Variants in C2 observed in about 807,000 individuals in gnomAD.
The protein encoded by C2 is C3/C5 convertase.
A neutral mutation model predicts 85.2 loss-of-function variants in C2; 64 were observed. The ratio of observed to expected loss-of-function variants is 0.75; its 90% CI spans 0.61 to 0.92. The LOEUF is 0.92. Among genes scored for constraint, C2 ranks in the 40% least tolerant of loss-of-function variants. The pLI is 0.00. For missense variants in C2, 820 were observed against 971.6 expected (o/e 0.84, Z 2.07); for synonymous variants, 311 against 370.8 (o/e 0.84, Z 1.85).
chr6:31,934,333 C>T, intron 6 of C2, 34 bp downstream of exon 6: 1 of 1,613,342 alleles, frequency 6.2e-7, no homozygotes, highest in Non-Finnish European at 8.5e-7. Flanking sequence ...CAGCAGAGGC[C>T]TTCCTGTGCT....
In C2 at chr6:31,935,749, G is replaced by A. The variant is rs573884703; in HGVS notation, c.850-174G>A. Among the ~76,000 whole-genome samples, 19 of 152,124 alleles carry A rather than the reference G, an allele frequency of 1.2e-4. No individual in the cohort carries two copies. In the East Asian group the frequency reaches 2.9e-3, roughly 23 times the overall value. ...TGTTGGGATTCAGGCATGAGCCACC[G>A]CGCCCAGCCCCTAGCTTCTTCCTAA... On this transcript the variant is annotated intron_variant, in intron 6 of 17. Coordinates refer to ENST00000299367, the MANE Select transcript of C2 (RefSeq NM_000063.6). The surrounding 1 kb of genome is among the most constrained non-coding windows in gnomAD (Gnocchi z 4.3).
In C2 at chr6:31,904,885, A is replaced by G. The variant is rs181053016; in HGVS notation, c.73+3746A>G. Among the ~76,000 whole-genome samples, 58 of 152,144 alleles carry G rather than the reference A, an allele frequency of 3.8e-4. 1 individual carries two copies. Among genetic ancestry groups the G allele is most frequent in the Non-Finnish European group, 7.8e-4 (53 of 68,018 alleles). On this transcript the variant is annotated intron_variant, in intron 1 of 3. Transcript: ENST00000452202. This position sits in a 1 kb window ranked among gnomAD's most constrained non-coding sequence, Gnocchi z 4.4. Reference sequence around the variant, plus strand: ...GAGTTGACAGCCAATGAATCCTTCAAGTGTCCAGCCCACCCAGTTACAACT... The same window carrying G: ...GAGTTGACAGCCAATGAATCCTTCAGGTGTCCAGCCCACCCAGTTACAACT...
chr6:31,899,991 C>T, upstream of C2: 1 of 1,608,118 alleles, frequency 6.2e-7, no homozygotes, highest in Non-Finnish European at 8.5e-7. Flanking sequence ...GTGGTCTTGC[C>T]GTGTTGCTCC....
chr6:31,934,231 T>C lies in C2; in HGVS notation c.781T>C (p.Cys261Arg), dbSNP rs1770208784. 5 of 1,614,202 alleles carry C rather than the reference T, an allele frequency of 3.1e-6. No individual in the cohort carries two copies. In the East Asian group the frequency reaches 1.1e-4, roughly 36 times the overall value. Residue 261 changes from cysteine (C) to arginine (R), a missense_variant, in exon 6 of 18, where the codon TGT (cysteine) becomes CGT (arginine). By Grantham distance (180) the Cys-to-Arg change is radical (BLOSUM62 -3). Coordinates refer to ENST00000299367, the MANE Select transcript of C2 (RefSeq NM_000063.6). ...GHLNLYLLLD[C>R]SQSVSENDFL... ...TCTGAACCTCTACCTGCTCCTGGACTGTTCGCAGAGTGTGTCGGAAAATGA... is the reference window on the plus strand; with the variant it reads ...TCTGAACCTCTACCTGCTCCTGGACCGTTCGCAGAGTGTGTCGGAAAATGA...
chr6:31,945,299 G>T lies in C2; in HGVS notation c.2201G>T (p.Arg734Leu), dbSNP rs146067615. ...CGAGACTTTCACATCAATCTCTTCCGCATGCAGCCCTGGCTGAGGCAGCAC... is the reference window on the plus strand; with the variant it reads ...CGAGACTTTCACATCAATCTCTTCCTCATGCAGCCCTGGCTGAGGCAGCAC... ...PPRDFHINLFRMQPWLRQHLG... is the reference protein window; with the variant it reads ...PPRDFHINLFLMQPWLRQHLG... Residue 734 changes from arginine (R) to leucine (L), a missense_variant, in exon 18 of 18, where the codon CGC becomes CTC. Arg to Leu is a moderately radical substitution (Grantham distance 102, BLOSUM62 -2). Transcript: ENST00000299367. This position sits in a 1 kb window ranked among gnomAD's most constrained non-coding sequence, Gnocchi z 5.3. 6.0e-5 allele frequency: 96 copies of T among 1,612,956 alleles called. 1 individual carries two copies. The African/African-American group carries it at 9.2e-4, about 15-fold the overall frequency.
rs1264145292 is a variant in C2 at position 31,936,081 on chromosome 6, A to T, written c.988+20A>T. On this transcript the variant is annotated intron_variant, in intron 7 of 17. Transcript: ENST00000299367. ...ATAAAGGTACGGGTGTCATCACGTGATGGTGATGAGAGAGGAGAAGATGGA... is the reference window on the plus strand; with the variant it reads ...ATAAAGGTACGGGTGTCATCACGTGTTGGTGATGAGAGAGGAGAAGATGGA... The T allele has an allele frequency of 6.2e-7, 1 of 1,612,044 alleles. No homozygotes were observed. The highest frequency in any genetic ancestry group is 1.7e-4 in the Middle Eastern group (1 of 6,060).
At chr6:31,916,703 C>T (rs1446367437), upstream of C2, among the ~76,000 whole-genome samples, 3 of 151,822 alleles carry the variant, frequency 2.0e-5, no homozygotes, top group Non-Finnish European at 4.4e-5. Flanking sequence ...CTACTGCTTC[C>T]CACTCTGCAA....
chr6:31,927,390 T>C (rs1769336162), upstream of C2: 2 of 727,316 alleles, frequency 2.7e-6, no homozygotes, highest in South Asian at 2.2e-5. The surrounding 1 kb of genome is among the most constrained non-coding windows in gnomAD (Gnocchi z 4.7). Flanking sequence ...GCAAGGTGCA[T>C]GTGTGCACAC....
chr6:31,943,896 G>A lies in C2; in HGVS notation c.1734-21G>A. 1 of 1,612,636 alleles carries A rather than the reference G, an allele frequency of 6.2e-7. No homozygotes were observed. Among genetic ancestry groups the A allele is most frequent in the Non-Finnish European group, 8.5e-7 (1 of 1,179,858 alleles). ...AGAGATACTGGGGACAGGCTGGTGT[G>A]ACCCTTGCTCTTCTCCCCAGGCCCA... On this transcript the variant is annotated intron_variant, in intron 13 of 17. Coordinates refer to ENST00000299367, the MANE Select transcript of C2 (RefSeq NM_000063.6). This position sits in a 1 kb window ranked among gnomAD's most constrained non-coding sequence, Gnocchi z 6.4.
Position 31,937,469 on chromosome 6 carries a change from A to G in C2, c.1129+10A>G, listed in dbSNP as rs764101239. 1.2e-6 allele frequency: 2 copies of G among 1,612,826 alleles called. No individual in the cohort carries two copies. Among genetic ancestry groups the G allele is most frequent in the Admixed American group, 1.7e-5 (1 of 59,998 alleles). The stretch of plus-strand genomic sequence containing the variant: ...ATCCTTCTGACAGATGGTGGGTATC[A>G]TGGTCTCTGAGTGTGTCTGGAATAG... On this transcript the variant is annotated intron_variant, in intron 8 of 17. Coordinates refer to ENST00000299367, the MANE Select transcript of C2 (RefSeq NM_000063.6).
At position 31,933,864 on chromosome 6, in the gene C2, C is replaced by G; in HGVS notation, c.617-3C>G. The stretch of plus-strand genomic sequence containing the variant: ...GCTGACTCCTGTGTGGCTCTCCCCA[C>G]AGAACCCTACTCTTATGACTTCCCT... On this transcript the variant is annotated splice_region_variant and splice_polypyrimidine_tract_variant and intron_variant, in intron 4 of 17. Coordinates refer to ENST00000299367, the MANE Select transcript of C2 (RefSeq NM_000063.6). 1 of 1,614,014 alleles carries G rather than the reference C, an allele frequency of 6.2e-7. No individual in the cohort carries two copies. The highest frequency in any genetic ancestry group is 8.5e-7 in the Non-Finnish European group (1 of 1,179,964).
At chr6:31,938,481 C>CATAT (rs28993458) in intron 8 of C2, among the ~76,000 whole-genome samples, 13,657 of 142,834 alleles carry the variant, frequency 0.096, 836 homozygotes, top group African/African-American at 0.18. Flanking sequence ...TGTATACATA[C>CATAT]ATATATATAT....
upstream of C2, chr6:31,900,382 C>T (rs1329351329): frequency 1.7e-5 from 27 of 1,544,644 alleles, no homozygotes; most frequent in East Asian, 2.0e-4. The surrounding 1 kb of genome is among the most constrained non-coding windows in gnomAD (Gnocchi z 9.7). Flanking sequence ...CCAGGCTGCC[C>T]CCCGCCCCCC....
chr6:31,900,657 G>C (rs1767155839), upstream of C2: 1 of 1,612,816 alleles, frequency 6.2e-7, no homozygotes, highest in South Asian at 1.1e-5. This position sits in a 1 kb window ranked among gnomAD's most constrained non-coding sequence, Gnocchi z 9.7. Flanking sequence ...GCCACCTCCA[G>C]GGCCGACTCC....
chr6:31,934,288 ATGGTGGACAGGGTCAGGAATCAGGAGTC>A lies in C2; in HGVS notation c.841_849+19del, dbSNP rs9332736. 5.7e-3 allele frequency: 9,251 copies of A among 1,612,668 alleles called. 40 individuals are homozygous for A. Among genetic ancestry groups the A allele is most frequent in the Non-Finnish European group, 6.7e-3 (7,924 of 1,178,622 alleles). The stretch of plus-strand genomic sequence containing the variant: ...CATCTTCAAGGAGAGCGCCTCCCTC[ATGGTGGACAGGGTCAGGAATCAGGAGTC>A]TGCCTGCAGCAGAGGCCTTCCTGTG... On this transcript the variant is annotated splice_donor_variant and splice_donor_5th_base_variant and coding_sequence_variant and intron_variant, in exon 6 of 18. Coordinates refer to ENST00000299367, the MANE Select transcript of C2 (RefSeq NM_000063.6). LOFTEE classifies it high-confidence loss of function.
upstream of C2, among the ~76,000 whole-genome samples, chr6:31,924,388 C>G (rs1275314539): frequency 6.6e-6 from 1 of 152,136 alleles, no homozygotes; most frequent in African/African-American, 2.4e-5. Flanking sequence ...AATTTTGTTT[C>G]TTTATCATCA....
In C2 at chr6:31,920,910, G is replaced by A. The variant is rs971997292; in HGVS notation, c.-100+884G>A. Reference sequence around the variant, plus strand: ...AGTGTCTAACCCAGTGTCTGGGCCTGCAGGGTGGCCTCTGAGGCCCAGGGC... The same window carrying A: ...AGTGTCTAACCCAGTGTCTGGGCCTACAGGGTGGCCTCTGAGGCCCAGGGC... On this transcript the variant is annotated intron_variant, in intron 1 of 3. Transcript: ENST00000413154. The surrounding 1 kb of genome is among the most constrained non-coding windows in gnomAD (Gnocchi z 5.6). Among the ~76,000 whole-genome samples, 9 of 152,314 alleles carry A rather than the reference G, an allele frequency of 5.9e-5. No individual in the cohort carries two copies. The highest frequency in any genetic ancestry group is 5.9e-4 in the Admixed American group (9 of 15,306).
rs1771113621 is a variant in C2, at chr6:31,943,900, C to T, written c.1734-17C>T. The T allele has an allele frequency of 6.2e-7, 1 of 1,612,610 alleles. No homozygotes were observed. The highest frequency in any genetic ancestry group is 1.7e-5 in the Admixed American group (1 of 60,002). ...ATACTGGGGACAGGCTGGTGTGACC[C>T]TTGCTCTTCTCCCCAGGCCCATCTG... On this transcript the variant is annotated splice_polypyrimidine_tract_variant and intron_variant, in intron 13 of 17. Transcript: ENST00000299367. This position sits in a 1 kb window ranked among gnomAD's most constrained non-coding sequence, Gnocchi z 6.4.
upstream of C2, among the ~76,000 whole-genome samples, chr6:31,917,743 T>C (rs1209343138): frequency 6.6e-6 from 1 of 151,792 alleles, no homozygotes; most frequent in Non-Finnish European, 1.5e-5. Flanking sequence ...CCGTCTCTAC[T>C]AAAAATGCAA....
Sources: gnomAD v4.1 joint callset for allele counts (sites outside exome capture counted in the v4.1 genomes callset) on GRCh38, gnomAD v4.1.1 for gene constraint, Gnocchi (gnomAD v3.1) non-coding constraint, MANE v1.5 for transcripts, NCBI Gene and HGNC (gene_info 2026-07-23, HGNC 2026-07-21) for gene names.